ZNF608: variants seen among roughly 807,000 people sequenced by gnomAD.
ZNF608 encodes the protein zinc finger protein 608.
Under a neutral mutation model 109.0 loss-of-function variants are expected in ZNF608, and 12 were observed. That is an observed-to-expected ratio of 0.11 (90% CI 0.07 to 0.18). The LOEUF (loss-of-function observed/expected upper bound fraction) is 0.18, where lower values mean the gene tolerates loss of function less well. ZNF608 is among the 10% of genes least tolerant of loss of function. The pLI is 1.00. For missense variants in ZNF608, 1,707 were observed against 1,879.3 expected (o/e 0.91, Z 1.70); for synonymous variants, 732 against 717.4 (o/e 1.02, Z -0.33).
At chr5:124,721,468 C>G (rs1214110650) in intron 2 of ZNF608, among the ~76,000 whole-genome samples, 1 of 152,118 alleles carries the variant, frequency 6.6e-6, no homozygotes, top group East Asian at 1.9e-4. Context: ...AACATGCGCT[C>G]ACACACCACA....
chr5:124,682,748 G>A (rs973647626), intron 3 of ZNF608, among the ~76,000 whole-genome samples: 3 of 152,180 alleles, frequency 2.0e-5, no homozygotes, highest in African/African-American at 4.8e-5. Context: ...GAAAAGAGTT[G>A]GATTAGAAAA....
chr5:124,702,695 G>GCAAC (rs1753103931), intron 2 of ZNF608, among the ~76,000 whole-genome samples: 1 of 152,140 alleles, frequency 6.6e-6, no homozygotes, highest in Non-Finnish European at 1.5e-5. Flanking sequence ...GATCCAAGAT[G>GCAAC]CAACAGAACA....
intron 2 of ZNF608, among the ~76,000 whole-genome samples, chr5:124,707,618 C>A (rs1323706669): frequency 6.6e-6 from 1 of 152,146 alleles, no homozygotes; most frequent in Non-Finnish European, 1.5e-5. Flanking sequence ...TGCCCATAGT[C>A]ACCTCTTCAT....
chr5:124,655,928 A>G (rs1580554455), intron 3 of ZNF608, among the ~76,000 whole-genome samples: 1 of 152,258 alleles, frequency 6.6e-6, no homozygotes, highest in South Asian at 2.1e-4. Flanking sequence ...CTCATAAAAT[A>G]CCTGCCAGCC....
intron 3 of ZNF608, among the ~76,000 whole-genome samples, chr5:124,693,972 A>ATGTTTTTTTTTTTTTTT (rs1561564262): frequency 8.6e-5 from 2 of 23,300 alleles, no homozygotes; most frequent in African/African-American, 4.6e-4. Flanking sequence ...CATTTCATTA[A>ATGTTTTTTTTTTTTTTT]TCTTTTTTTT....
intron 3 of ZNF608, among the ~76,000 whole-genome samples, chr5:124,650,030 A>C (rs950445495): frequency 6.6e-6 from 1 of 152,228 alleles, no homozygotes; most frequent in Non-Finnish European, 1.5e-5. Flanking sequence ...TAATTTTTCT[A>C]TTATTACACA....
intron 2 of ZNF608, among the ~76,000 whole-genome samples, chr5:124,727,959 G>A (rs973336415): frequency 6.6e-6 from 1 of 152,000 alleles, no homozygotes. Context: ...GGCTGGTCTC[G>A]AACTCTCGAC....
intron 2 of ZNF608, among the ~76,000 whole-genome samples, chr5:124,732,155 G>C (rs1054187538): frequency 6.6e-6 from 1 of 151,986 alleles, no homozygotes; most frequent in Non-Finnish European, 1.5e-5. Context: ...AGAACTTAAA[G>C]CTAGGAGAAA....
chr5:124,737,363 C>CA (rs1749199476), intron 2 of ZNF608, among the ~76,000 whole-genome samples: 1 of 152,100 alleles, frequency 6.6e-6, no homozygotes, highest in Admixed American at 6.5e-5. Context: ...TTGGAATAGT[C>CA]ACAGTGAATG....
intron 2 of ZNF608, among the ~76,000 whole-genome samples, chr5:124,736,575 A>C (rs1198708779): frequency 6.6e-6 from 1 of 152,130 alleles, no homozygotes; most frequent in Non-Finnish European, 1.5e-5. Flanking sequence ...TGATGAGTGT[A>C]GTTTAAAAAA....
At chr5:124,715,999 C>T (rs1019089300) in intron 2 of ZNF608, among the ~76,000 whole-genome samples, 3 of 151,896 alleles carry the variant, frequency 2.0e-5, no homozygotes, top group East Asian at 3.9e-4. Context: ...AAAAATTAGC[C>T]GGGCGTGGTG....
At position 124,743,388 on chromosome 5, in the gene ZNF608, G is replaced by A. The variant is rs182092244; in HGVS notation, c.906+696C>T. On this transcript the variant is annotated intron_variant, in intron 2 of 9. Coordinates refer to ENST00000513986, the MANE Select transcript of ZNF608 (RefSeq NM_020747.3). ...CTCTTAAATCTCTAGCTAAGAACTG[G>A]GTGAGGGAACAGGGGTAGAGTGCTA... Among the ~76,000 whole-genome samples, 5 of 152,244 alleles carry A rather than the reference G, an allele frequency of 3.3e-5. No individual in the cohort carries two copies. The East Asian group carries it at 9.6e-4, about 29-fold the overall frequency.
At chr5:124,733,236 T>G (rs1580712936) in intron 2 of ZNF608, among the ~76,000 whole-genome samples, 1 of 150,324 alleles carries the variant, frequency 6.7e-6, no homozygotes, top group Non-Finnish European at 1.5e-5. Flanking sequence ...TTTTTTTTTT[T>G]TTTTCTGTTT....
chr5:124,637,915 G>C lies in ZNF608; in HGVS notation c.4533-9C>G, dbSNP rs375643682. The C allele has an allele frequency of 1.8e-5, 29 of 1,611,588 alleles. No homozygotes were observed. In the African/African-American group the frequency reaches 3.5e-4, roughly 19 times the overall value. ...TCCAATCTTGTTATTCTCTGCAAAA[G>C]AAAAGCAAACCTTAGCACACGGTTC... is the stretch of plus-strand genomic sequence containing the variant. On this transcript the variant is annotated splice_polypyrimidine_tract_variant and intron_variant, in intron 9 of 9. Coordinates refer to ENST00000513986, the MANE Select transcript of ZNF608 (RefSeq NM_020747.3).
intron 5 of ZNF608, among the ~76,000 whole-genome samples, chr5:124,646,328 A>G (rs1447158974): frequency 1.3e-5 from 2 of 152,344 alleles, no homozygotes; most frequent in African/African-American, 4.8e-5. Context: ...ACTGCACTCC[A>G]GCCTGGGTGA....
intron 2 of ZNF608, among the ~76,000 whole-genome samples, chr5:124,737,901 A>T (rs1749221415): frequency 6.6e-6 from 1 of 152,208 alleles, no homozygotes; most frequent in South Asian, 2.1e-4. Flanking sequence ...TTAAATTAAA[A>T]AGAACTTGTG....
intron 2 of ZNF608, among the ~76,000 whole-genome samples, chr5:124,709,065 G>T (rs1312332815): frequency 6.6e-6 from 1 of 151,402 alleles, no homozygotes; most frequent in African/African-American, 2.4e-5. Flanking sequence ...CAGCTACTCG[G>T]GAGGCTGAGG....
chr5:124,662,471 C>T (rs1428781396), intron 3 of ZNF608, among the ~76,000 whole-genome samples: 1 of 152,252 alleles, frequency 6.6e-6, no homozygotes, highest in East Asian at 1.9e-4. Context: ...GCCAATCAAT[C>T]ACACTCTCTG....
chr5:124,660,903 C>T (rs919972110), intron 3 of ZNF608, among the ~76,000 whole-genome samples: 3 of 152,090 alleles, frequency 2.0e-5, no homozygotes, highest in Non-Finnish European at 2.9e-5. Flanking sequence ...CAAGCCCTCC[C>T]GCATTCCTCC....
Sources: gnomAD v4.1 joint callset for allele counts (sites outside exome capture counted in the v4.1 genomes callset) on GRCh38, gnomAD v4.1.1 for gene constraint, MANE v1.5 for transcripts, NCBI Gene and HGNC (gene_info 2026-07-23, HGNC 2026-07-21) for gene names.